Variants in BECN1 observed in about 807,000 individuals in gnomAD.
BECN1 encodes beclin 1.
In BECN1, 15 loss-of-function variants were observed where a neutral mutation model predicts 60.1. The observed-to-expected ratio is 0.25, with a 90% CI of 0.17 to 0.38. The LOEUF (loss-of-function observed/expected upper bound fraction) is 0.38. BECN1 is among the 10% of genes least tolerant of loss of function. The pLI, the probability that BECN1 is intolerant of heterozygous loss-of-function variation, is 1.00. For missense variants in BECN1, 424 were observed against 548.2 expected, an observed-to-expected ratio of 0.77 and a Z score of 2.26; for synonymous variants, 179 against 201.8, an observed-to-expected ratio of 0.89 and a Z score of 0.96.
chr17:42,820,409 G>C, intron 3 of BECN1: 3 of 202,614 alleles, frequency 1.5e-5, no homozygotes, highest in Non-Finnish European at 3.1e-5. Flanking sequence ...GAAAGGAGTG[G>C]ATATTAACAA....
intron 2 of BECN1, among the ~76,000 whole-genome samples, chr17:42,823,102 C>T (rs923362815): frequency 6.6e-6 from 1 of 152,124 alleles, no homozygotes; most frequent in South Asian, 2.1e-4. Context: ...ATACCCCGTA[C>T]GGGTTGTTAC....
At chr17:42,818,961 TCAAG>T in intron 4 of BECN1, 84 bp from the exon 5 acceptor site, 1 of 1,487,118 alleles carries the variant, frequency 6.7e-7, no homozygotes, top group Non-Finnish European at 9.3e-7. Context: ...GCAGAGACTC[TCAAG>T]CACCAGCTGA....
intron 2 of BECN1, 23 bp from the exon 3 acceptor site, chr17:42,820,864 G>C: frequency 6.4e-7 from 1 of 1,565,154 alleles, no homozygotes; most frequent in Non-Finnish European, 8.7e-7. Context: ...AAAATATTGG[G>C]TCAGAAACAG....
intron 2 of BECN1, among the ~76,000 whole-genome samples, chr17:42,823,533 C>T (rs2055316998): frequency 6.6e-6 from 1 of 152,222 alleles, no homozygotes; most frequent in Non-Finnish European, 1.5e-5. Context: ...GGATTACAGG[C>T]GTGAGCCACC....
At chr17:42,818,108 T>C in intron 7 of BECN1, 113 bp downstream of exon 7, 1 of 1,150,998 alleles carries the variant, frequency 8.7e-7, no homozygotes. Context: ...GGGGCAGGCA[T>C]GCTGCTGACT....
At position 42,818,859 on chromosome 17, in the gene BECN1, A is replaced by G. The variant is rs1327364485; in HGVS notation, c.279T>C (p.Ser93=). 4 of 1,614,024 alleles carry G rather than the reference A, an allele frequency of 2.5e-6. No individual in the cohort carries two copies. The highest frequency in any genetic ancestry group is 1.7e-5 in the Admixed American group (1 of 59,998). ...CCCCAATCAGAGTGAAGCTGTTGGC[A>G]CTTTCTGTGGACATCATCCTGCAGA... is the stretch of plus-strand genomic sequence containing the variant. The part of the protein sequence containing the change: ...IPPARMMSTE[S]ANSFTLIGEA... Residue 93 remains serine (S), a synonymous_variant, in exon 5 of 12, where the codon AGT becomes AGC. Coordinates refer to ENST00000590099, the MANE Select transcript of BECN1 (RefSeq NM_001313998.2).
chr17:42,814,365 G>T, intron 9 of BECN1, 159 bp downstream of exon 9: 1 of 948,828 alleles, frequency 1.1e-6, no homozygotes, highest in Non-Finnish European at 1.6e-6. Context: ...AGAGAGCCCT[G>T]TGATGAGGGG....
At chr17:42,818,184 C>G in intron 7 of BECN1, 37 bp downstream of exon 7, 1 of 1,599,880 alleles carries the variant, frequency 6.3e-7, no homozygotes, top group South Asian at 1.1e-5. Context: ...CTCCTGGAGC[C>G]TCGAGTGTGA....
At chr17:42,813,703 T>C in intron 10 of BECN1, 1 of 308,386 alleles carries the variant, frequency 3.2e-6, no homozygotes, top group Non-Finnish European at 6.0e-6. Context: ...ATTCTTTTCC[T>C]AGCCTAGTGC....
Position 42,824,191 on chromosome 17 carries a change from A to G in BECN1, c.-39T>C. The G allele has an allele frequency of 4.7e-6, 2 of 421,654 alleles. No individual in the cohort carries two copies. Among genetic ancestry groups the G allele is most frequent in the Non-Finnish European group, 8.4e-6 (2 of 237,636 alleles). The allele number at this position is 421,654 out of a possible 1,614,324, so 26.1% of individuals were successfully genotyped here. On this transcript the variant is annotated 5_prime_UTR_variant, in exon 1 of 12. An upstream open reading frame in the 5' UTR loses its in-frame stop. Coordinates refer to ENST00000590099, the MANE Select transcript of BECN1 (RefSeq NM_001313998.2). ...GGAGCCCGTCACCCAAGTCCGGTCTACCGCGGAGGCACTGTGGCCTCGGGT... is the reference window on the plus strand; with the variant it reads ...GGAGCCCGTCACCCAAGTCCGGTCTGCCGCGGAGGCACTGTGGCCTCGGGT...
intron 8 of BECN1, chr17:42,815,682 G>C (rs752811248): frequency 3.5e-6 from 2 of 570,158 alleles, no homozygotes; most frequent in East Asian, 6.1e-5. Flanking sequence ...AGGTTTTTAA[G>C]TGGCTGAAGG....
chr17:42,814,066 G>GTTGT, intron 9 of BECN1, 58 bp from the exon 10 acceptor site: 2 of 1,271,806 alleles, frequency 1.6e-6, no homozygotes, highest in Non-Finnish European at 2.2e-6. Context: ...TGATTATTGG[G>GTTGT]AAGTTACAAC....
At chr17:42,819,924 C>T (rs2055226966) in intron 3 of BECN1, among the ~76,000 whole-genome samples, 1 of 152,006 alleles carries the variant, frequency 6.6e-6, no homozygotes, top group Admixed American at 6.6e-5. Context: ...GGACAGAATG[C>T]CCTAAATCAT....
At chr17:42,821,859 T>C (rs1014548729) in intron 2 of BECN1, among the ~76,000 whole-genome samples, 4 of 152,224 alleles carry the variant, frequency 2.6e-5, no homozygotes, top group African/African-American at 9.6e-5. Flanking sequence ...GGCTATGCTA[T>C]TCTCTTGACT....
intron 7 of BECN1, among the ~76,000 whole-genome samples, chr17:42,816,664 A>C (rs1268318197): frequency 6.7e-6 from 1 of 148,438 alleles, no homozygotes; most frequent in African/African-American, 2.5e-5. Context: ...AAAAAAAAAA[A>C]AAAGAGTGGC....
At chr17:42,818,968 C>G in intron 4 of BECN1, 91 bp from the exon 5 acceptor site, 2 of 1,422,758 alleles carry the variant, frequency 1.4e-6, no homozygotes, top group Admixed American at 3.7e-5. Flanking sequence ...CTCTCAAGCA[C>G]CAGCTGAGGG....
intron 8 of BECN1, chr17:42,815,534 G>C (rs1017931073): frequency 2.8e-5 from 6 of 215,316 alleles, no homozygotes; most frequent in Non-Finnish European, 4.6e-5. Flanking sequence ...GCAACTAGAA[G>C]GTTGACTGCA....
At chr17:42,817,635 T>G (rs1259648867) in intron 7 of BECN1, among the ~76,000 whole-genome samples, 1 of 152,222 alleles carries the variant, frequency 6.6e-6, no homozygotes, top group African/African-American at 2.4e-5. Flanking sequence ...CTCAAACTCC[T>G]GGGCTCAAGT....
chr17:42,820,327 T>C (rs2055236891), intron 3 of BECN1: 1 of 160,164 alleles, frequency 6.2e-6, no homozygotes, highest in Admixed American at 6.1e-5. Context: ...ACATGTTCTC[T>C]AACACTGACA....
Sources: gnomAD v4.1 joint callset for allele counts (sites outside exome capture counted in the v4.1 genomes callset) on GRCh38, gnomAD v4.1.1 for gene constraint, MANE v1.5 for transcripts, NCBI Gene and HGNC (gene_info 2026-07-23, HGNC 2026-07-21) for gene names.